The following ZSCAN5B variants were observed in gnomAD, a reference collection of about 807,000 sequenced individuals.
ZSCAN5B encodes zinc finger and SCAN domain containing 5B.
A neutral mutation model predicts 25.2 loss-of-function variants in ZSCAN5B; 26 were observed. The observed-to-expected ratio is 1.03, with a 90% CI of 0.76 to 1.43. The LOEUF is 1.43. Ranked by LOEUF, ZSCAN5B falls within the 40% of genes most tolerant of loss-of-function variation. The probability of loss-of-function intolerance (pLI) is 0.00; values close to 1 mark genes in which losing one functional copy is unlikely to be tolerated. For synonymous variants in ZSCAN5B, 244 were observed against 240.9 expected, an observed-to-expected ratio of 1.01 and a Z score of -0.12; for missense variants, 745 against 622.1, an observed-to-expected ratio of 1.20 and a Z score of -2.10.
chr19:56,192,360 T>C (rs750836418), intron 2 of ZSCAN5B, among the ~76,000 whole-genome samples: 1 of 152,172 alleles, frequency 6.6e-6, no homozygotes, highest in African/African-American at 2.4e-5. Context: ...AGGGGCTCAT[T>C]TGGGGACCTG....
intron 1 of ZSCAN5B, 44 bp from the exon 2 acceptor site, chr19:56,193,223 C>G: frequency 1.3e-6 from 1 of 741,172 alleles, no homozygotes. Flanking sequence ...ACTTTCTACT[C>G]CACACACCCC....
intron 1 of ZSCAN5B, among the ~76,000 whole-genome samples, chr19:56,194,836 ACCT>A (rs1412651356): frequency 6.6e-6 from 1 of 152,012 alleles, no homozygotes; most frequent in Non-Finnish European, 1.5e-5. Flanking sequence ...CAAACTCCTG[ACCT>A]CGGGTGACAT....
chr19:56,195,850 TA>T (rs60842031), intron 1 of ZSCAN5B, among the ~76,000 whole-genome samples: 80,031 of 151,730 alleles, frequency 0.53, 21,703 homozygotes, highest in Middle Eastern at 0.66. Flanking sequence ...AATTTTTTTT[TA>T]AAGTTATCTA....
chr19:56,195,170 A>G lies in ZSCAN5B; in HGVS notation c.-127-1991T>C, dbSNP rs577374781. Reference sequence around the variant, plus strand: ...AGGACTCTGAGCAAGTGCAGAACAGAGAGACAGCCAGGGAGACAATCGGCA... The same window carrying G: ...AGGACTCTGAGCAAGTGCAGAACAGGGAGACAGCCAGGGAGACAATCGGCA... On this transcript the variant is annotated intron_variant, in intron 1 of 4. Coordinates refer to ENST00000586855, the Ensembl canonical transcript of ZSCAN5B. Among the ~76,000 whole-genome samples, 204 of 152,312 alleles carry G rather than the reference A, an allele frequency of 1.3e-3. 1 individual carries two copies. The highest frequency in any genetic ancestry group is 4.8e-3 in the African/African-American group (198 of 41,566).
exon 5 of ZSCAN5B, chr19:56,189,732 C>T (rs2032696188): frequency 7.0e-7 from 1 of 1,432,170 alleles, no homozygotes; most frequent in Admixed American, 2.6e-5. Context: ...GCAATTCCTA[C>T]CAAGTGCTTT....
rs1279972797 is a variant in ZSCAN5B at position 56,190,091 on chromosome 19, C to G, written c.1224G>C (p.Glu408Asp). The change falls in exon 5 of 5, where the codon GAG becomes GAC. Residue 408 changes from glutamate to aspartate, a missense_variant. Glu to Asp is a conservative substitution (Grantham distance 45, BLOSUM62 2). Transcript: ENST00000586855. ...GGCAGACGTCACACATGTAGGGCCT[C>G]TCGCCAGTGTGGACTCGCTGGTGAA... 2.0e-5 allele frequency: 32 copies of G among 1,613,946 alleles called. No homozygotes were observed. The highest frequency in any genetic ancestry group is 2.6e-5 in the Non-Finnish European group (31 of 1,179,952).
chr19:56,190,012 C>T lies in ZSCAN5B; in HGVS notation c.1303G>A (p.Gly435Arg), dbSNP rs774715338. 249 of 1,613,990 alleles carry T rather than the reference C, an allele frequency of 1.5e-4. 1 individual carries two copies. Among genetic ancestry groups the T allele is most frequent in the Non-Finnish European group, 1.8e-4 (213 of 1,179,906 alleles). The change falls in exon 5 of 5, where the codon GGG becomes AGG. Residue 435 changes from glycine (G) to arginine (R), a missense_variant. Physicochemically the swap from Gly to Arg is moderately radical, Grantham distance 125. Transcript: ENST00000586855. ...TATTTACATTTAAACGGCCTCTCCC[C>T]GGTGTGGATCCTCTTGTGGCCCTGT...
rs1045129559 is a variant in ZSCAN5B, at chr19:56,190,658, C to G, written c.740-83G>C. ...AAACTCATTGCAACCAAACACTGAC[C>G]TTGGCTGAGAACTTCCCCTCAACCT... is the stretch of plus-strand genomic sequence containing the variant. On this transcript the variant is annotated intron_variant, in intron 4 of 4. Coordinates refer to ENST00000586855, the Ensembl canonical transcript of ZSCAN5B. 3.1e-5 allele frequency: 49 copies of G among 1,562,160 alleles called. No homozygotes were observed. The African/African-American group carries it at 4.0e-4, about 13-fold the overall frequency.
chr19:56,190,727 G>A, intron 4 of ZSCAN5B, 110 bp downstream of exon 4: 1 of 1,542,454 alleles, frequency 6.5e-7, no homozygotes, highest in Non-Finnish European at 8.7e-7. Context: ...AAGTGGAGGA[G>A]AGATTTTGGC....
chr19:56,197,186 TTTTTGAGACGGAG>T (rs1160357471), intron 1 of ZSCAN5B, among the ~76,000 whole-genome samples: 2 of 152,216 alleles, frequency 1.3e-5, no homozygotes, highest in East Asian at 1.9e-4. Flanking sequence ...CCTTTTTTTT[TTTTTGAGACGGAG>T]TTTTGCTTTG....
chr19:56,190,442 C>A (rs748106840), exon 5 of ZSCAN5B: 40 of 1,613,942 alleles, frequency 2.5e-5, no homozygotes, highest in Non-Finnish European at 3.2e-5. Flanking sequence ...TGCTCAGATT[C>A]AGAGCATCTC....
chr19:56,197,305 G>A (rs945937451), intron 1 of ZSCAN5B, among the ~76,000 whole-genome samples: 2 of 151,134 alleles, frequency 1.3e-5, no homozygotes, highest in Non-Finnish European at 2.9e-5. Flanking sequence ...CCCGAATAGC[G>A]GGTATTACCC....
rs754481102 is a variant in ZSCAN5B at position 56,190,074 on chromosome 19, T to A, written c.1241A>T (p.Asp414Val). ...GTGGGCGAACCGCTTTTGGCAGACGTCACACATGTAGGGCCTCTCGCCAGT... is the reference window on the plus strand; with the variant it reads ...GTGGGCGAACCGCTTTTGGCAGACGACACACATGTAGGGCCTCTCGCCAGT... Residue 414 changes from aspartate to valine, a missense_variant, in exon 5 of 5, where the codon GAC (aspartate) becomes GTC (valine). By Grantham distance (152) the Asp-to-Val change is radical. Coordinates refer to ENST00000586855, the Ensembl canonical transcript of ZSCAN5B. 3.7e-6 allele frequency: 6 copies of A among 1,613,982 alleles called. No individual in the cohort carries two copies. The South Asian group carries it at 6.6e-5, about 18-fold the overall frequency.
exon 3 of ZSCAN5B, chr19:56,192,040 A>C (rs2032743885): frequency 6.2e-7 from 1 of 1,612,526 alleles, no homozygotes; most frequent in Non-Finnish European, 8.5e-7. Flanking sequence ...TTTGCCGAGC[A>C]AGTTGACTAT....
At chr19:56,189,705 T>G in exon 5 of ZSCAN5B, 4 of 1,212,336 alleles carry the variant, frequency 3.3e-6, no homozygotes, top group African/African-American at 3.1e-5. Flanking sequence ...AGGATAAATA[T>G]TTATTCAAAC....
rs199497935 is a variant in ZSCAN5B at position 56,191,902 on chromosome 19, G to A, written c.536C>T (p.Ala179Val). The stretch of plus-strand genomic sequence containing the variant: ...GGGCAGGATCTGCTGCTCTCGGCGG[G>A]CCTGGCCTGTCCCCGGATGCATCTG... Residue 179 changes from alanine to valine, a missense_variant, in exon 3 of 5, where the codon GCC becomes GTC. Physicochemically the swap from Ala to Val is moderately conservative, Grantham distance 64 (BLOSUM62 0). Transcript: ENST00000586855. The A allele has an allele frequency of 1.0e-3, 1,665 of 1,613,848 alleles. 6 individuals are homozygous for A. The highest frequency in any genetic ancestry group is 8.6e-3 in the Middle Eastern group (52 of 6,060).
At position 56,192,657 on chromosome 19, in the gene ZSCAN5B, G is replaced by T; in HGVS notation, c.384+12C>A. The T allele has an allele frequency of 6.3e-7, 1 of 1,593,354 alleles. No homozygotes were observed. The highest frequency in any genetic ancestry group is 8.6e-7 in the Non-Finnish European group (1 of 1,167,876). ...TCCCCTTCCCTGCACCAATCACGAG[G>T]TTCCCACTCACCCATTTCTTGGGTC... On this transcript the variant is annotated intron_variant, in intron 2 of 4. Transcript: ENST00000586855.
chr19:56,191,971 T>G, exon 3 of ZSCAN5B: 1 of 1,613,994 alleles, frequency 6.2e-7, no homozygotes, highest in Non-Finnish European at 8.5e-7. Flanking sequence ...TCTCGGATCA[T>G]CTCTGACACT....
Position 56,193,189 on chromosome 19 carries a change from AAAAGCATGAGCCCGATTATTTT to A in ZSCAN5B, c.-127-32_-127-11del. On this transcript the variant is annotated splice_polypyrimidine_tract_variant and intron_variant, in intron 1 of 4. Coordinates refer to ENST00000586855, the Ensembl canonical transcript of ZSCAN5B. The stretch of plus-strand genomic sequence containing the variant: ...CAGTTTGTTCAGAAGTCTGCAGGAA[AAAAGCATGAGCCCGATTATTTT>A]AACTTTCTACTCCACACACCCCTCC... The A allele has an allele frequency of 1.9e-6, 2 of 1,070,962 alleles. No homozygotes were observed. Among genetic ancestry groups the A allele is most frequent in the Non-Finnish European group, 2.6e-6 (2 of 775,072 alleles). 66.3% of individuals were successfully genotyped at this position (1,070,962 alleles called of 1,614,324 possible). A position where few individuals can be genotyped will look rare whatever the true frequency, so the allele number is the denominator to read the frequency against.
Sources: gnomAD v4.1 joint callset for allele counts (sites outside exome capture counted in the v4.1 genomes callset) on GRCh38, gnomAD v4.1.1 for gene constraint, MANE v1.5 for transcripts, NCBI Gene and HGNC (gene_info 2026-07-23, HGNC 2026-07-21) for gene names.